Variants in KIF2A observed in about 807,000 individuals in gnomAD.
KIF2A encodes kinesin family member 2A.
KIF2A carries 22 observed loss-of-function variants against 100.2 expected under a neutral mutation model. The ratio of observed to expected loss-of-function variants is 0.22; its 90% confidence interval spans 0.16 to 0.31. The LOEUF (loss-of-function observed/expected upper bound fraction) is 0.31, where lower values mean the gene tolerates loss of function less well. Among genes scored for constraint, KIF2A ranks in the 10% least tolerant of loss-of-function variants. The probability of loss-of-function intolerance (pLI) is 1.00; values close to 1 mark genes in which losing one functional copy is unlikely to be tolerated. For missense variants in KIF2A, 495 were observed against 898.7 expected (o/e 0.55, Z 5.74); for synonymous variants, 268 against 285.9 (o/e 0.94, Z 0.63).
intron 1 of KIF2A, chr5:62,311,950 A>G (rs1295177536): frequency 6.6e-6 from 1 of 152,246 alleles, no homozygotes; most frequent in African/African-American, 2.4e-5. Context: ...ATTATTTGCC[A>G]AGATCACATG....
chr5:62,352,803 T>A, intron 5 of KIF2A, 93 bp downstream of exon 5: 1 of 927,622 alleles, frequency 1.1e-6, no homozygotes, highest in Non-Finnish European at 1.5e-6. Flanking sequence ...GTAAACACTC[T>A]AAATACAAGC....
intron 9 of KIF2A, among the ~76,000 whole-genome samples, chr5:62,360,820 G>T (rs1561272999): frequency 6.6e-6 from 1 of 152,034 alleles, no homozygotes; most frequent in Non-Finnish European, 1.5e-5. Context: ...TAAATTACTT[G>T]TCTAAATTCA....
intron 1 of KIF2A, among the ~76,000 whole-genome samples, chr5:62,314,576 A>G (rs1231721332): frequency 6.6e-6 from 1 of 152,200 alleles, no homozygotes; most frequent in East Asian, 1.9e-4. Flanking sequence ...TGGCCCGGGA[A>G]CTGTAAGAAT....
intron 11 of KIF2A, among the ~76,000 whole-genome samples, chr5:62,361,837 C>T (rs1580076742): frequency 6.6e-6 from 1 of 151,532 alleles, no homozygotes. Context: ...GCCTGGCCAA[C>T]ATGGTGAAAC....
At chr5:62,339,959 A>G (rs1264602454) in intron 1 of KIF2A, among the ~76,000 whole-genome samples, 2 of 138,156 alleles carry the variant, frequency 1.4e-5, no homozygotes, top group African/African-American at 2.7e-5. Context: ...TTTTTTTGAG[A>G]CAGAATTTTG....
At chr5:62,324,025 C>T (rs1488371629) in intron 1 of KIF2A, among the ~76,000 whole-genome samples, 1 of 128,574 alleles carries the variant, frequency 7.8e-6, no homozygotes, top group Non-Finnish European at 1.7e-5. Flanking sequence ...CAGAGGGAAA[C>T]CCTGTCTCAA....
At chr5:62,373,878 TTTCATCAGTAGCAGAACTTAA>T in intron 18 of KIF2A, 41 bp downstream of exon 18, 1 of 1,463,886 alleles carries the variant, frequency 6.8e-7, no homozygotes, top group Non-Finnish European at 9.6e-7. Flanking sequence ...TCTTAGTTCA[TTTCATCAGTAGCAGAACTTAA>T]CTGAAAACTA....
Position 62,388,472 on chromosome 5 carries a change from C to T in KIF2A, c.*2903C>T, listed in dbSNP as rs1258305973. On this transcript the variant is annotated 3_prime_UTR_variant, in exon 21 of 21. Transcript: ENST00000407818. The stretch of plus-strand genomic sequence containing the variant: ...TAGCGAAAGAGGTAGGCAATCGTAA[C>T]AGACACTGTATAGGATAAATAGGGA... 3.9e-5 allele frequency: 6 copies of T among 152,716 alleles called. No homozygotes were observed. Among genetic ancestry groups the T allele is most frequent in the African/African-American group, 1.4e-4 (6 of 41,414 alleles). 9.5% of individuals were successfully genotyped at this position (152,716 alleles called of 1,614,324 possible). A position where few individuals can be genotyped will look rare whatever the true frequency, so the allele number is the denominator to read the frequency against.
chr5:62,361,569 G>T, intron 11 of KIF2A, 40 bp downstream of exon 11: 1 of 1,141,270 alleles, frequency 8.8e-7, no homozygotes, highest in Non-Finnish European at 1.3e-6. Context: ...ATATTCTTCT[G>T]TGGTATTATT....
In KIF2A at chr5:62,310,595, C is replaced by T. The variant is rs538266781; in HGVS notation, c.64+4059C>T. On this transcript the variant is annotated intron_variant, in intron 1 of 20. Transcript: ENST00000407818. ...ACTCTGGCCCTCTACTTCCCGCTGG[C>T]CTGTTAGTCAGGAACTACAGCGTTA... Among the ~76,000 whole-genome samples the T allele has an allele frequency of 2.6e-5, 4 of 152,292 alleles. No individual in the cohort carries two copies. The East Asian group carries it at 7.7e-4, about 29-fold the overall frequency.
intron 16 of KIF2A, among the ~76,000 whole-genome samples, chr5:62,367,001 TTAGTA>T (rs1741108269): frequency 6.6e-6 from 1 of 152,122 alleles, no homozygotes; most frequent in African/African-American, 2.4e-5. Context: ...ATTGATAACT[TTAGTA>T]AAGTTGGTCT....
intron 11 of KIF2A, 52 bp downstream of exon 11, chr5:62,361,581 A>C (rs1472596822): frequency 2.9e-6 from 3 of 1,032,258 alleles, no homozygotes; most frequent in Non-Finnish European, 4.5e-6. Flanking sequence ...GGTATTATTC[A>C]GGTAACTTTG....
rs577353332 is a variant in KIF2A at position 62,384,342 on chromosome 5, A to G, written c.2150-1142A>G. Among the ~76,000 whole-genome samples, 21 of 152,310 alleles carry G rather than the reference A, an allele frequency of 1.4e-4. No individual in the cohort carries two copies. The South Asian group carries it at 4.3e-3, about 32-fold the overall frequency. ...CAAAAAAGTTAACTTTTTAAACATC[A>G]CTGTACTTTCAAAAAGGGGAGGAAA... On this transcript the variant is annotated intron_variant, in intron 20 of 20. Coordinates refer to ENST00000407818, the MANE Select transcript of KIF2A (RefSeq NM_001098511.3).
At chr5:62,331,562 C>A (rs1489821862) in intron 1 of KIF2A, among the ~76,000 whole-genome samples, 3 of 152,076 alleles carry the variant, frequency 2.0e-5, no homozygotes, top group Non-Finnish European at 2.9e-5. Flanking sequence ...TGTACTCCAG[C>A]CTGGGTGACA....
intron 1 of KIF2A, among the ~76,000 whole-genome samples, 197 bp downstream of exon 1, chr5:62,306,733 T>C (rs978008386): frequency 3.3e-5 from 5 of 151,900 alleles, no homozygotes; most frequent in African/African-American, 1.2e-4. Flanking sequence ...GCTGCAGTTC[T>C]CCGGATCGGG....
At chr5:62,346,931 G>A (rs148845942) in intron 1 of KIF2A, among the ~76,000 whole-genome samples, 199 bp from the exon 2 acceptor site, 2 of 152,178 alleles carry the variant, frequency 1.3e-5, no homozygotes, top group East Asian at 3.9e-4. Flanking sequence ...CTGATTTACT[G>A]GACTTGACAA....
chr5:62,346,366 T>TA (rs1747568045), intron 1 of KIF2A, among the ~76,000 whole-genome samples: 1 of 152,220 alleles, frequency 6.6e-6, no homozygotes, highest in African/African-American at 2.4e-5. Flanking sequence ...TTCTTAATTT[T>TA]AAAATTTTAT....
intron 16 of KIF2A, among the ~76,000 whole-genome samples, chr5:62,371,046 C>T (rs1398513863): frequency 6.6e-6 from 1 of 152,066 alleles, no homozygotes; most frequent in Non-Finnish European, 1.5e-5. Flanking sequence ...GCAGGAGGAT[C>T]ACTTGAGTCC....
At chr5:62,364,828 C>T (rs972496653) in intron 14 of KIF2A, among the ~76,000 whole-genome samples, 3 of 152,184 alleles carry the variant, frequency 2.0e-5, no homozygotes, top group Non-Finnish European at 4.4e-5. Flanking sequence ...GGCGCAGTGG[C>T]TCACGTCTGT....
Sources: gnomAD v4.1 joint callset for allele counts (sites outside exome capture counted in the v4.1 genomes callset) on GRCh38, gnomAD v4.1.1 for gene constraint, MANE v1.5 for transcripts, NCBI Gene and HGNC (gene_info 2026-07-23, HGNC 2026-07-21) for gene names.